The following SLC35D1 variants were observed in gnomAD, a reference collection of about 807,000 sequenced individuals.
SLC35D1 encodes the protein nucleotide sugar transporter SLC35D1.
A neutral mutation model predicts 46.7 loss-of-function variants in SLC35D1; 31 were observed. The ratio of observed to expected loss-of-function variants is 0.66; its 90% CI spans 0.50 to 0.90. The LOEUF (loss-of-function observed/expected upper bound fraction) is 0.90, where lower values mean the gene tolerates loss of function less well. SLC35D1 is among the 40% of genes least tolerant of loss of function. SLC35D1 has a pLI of 0.00. For synonymous variants in SLC35D1, 195 were observed against 164.6 expected (o/e 1.18, Z -1.41); for missense variants, 397 against 426.2 (o/e 0.93, Z 0.60).
At chr1:67,021,675 C>G (rs1459878123) in intron 8 of SLC35D1, 73 bp from the exon 9 acceptor site, 25 of 1,328,244 alleles carry the variant, frequency 1.9e-5, no homozygotes, top group Admixed American at 1.9e-5. Context: ...AATGTAAATC[C>G]TTCTACGAGT....
chr1:67,024,176 C>A (rs545548050), intron 8 of SLC35D1, among the ~76,000 whole-genome samples: 25 of 151,946 alleles, frequency 1.6e-4, no homozygotes, highest in Non-Finnish European at 3.5e-4. Context: ...GAACTCCAGA[C>A]CTCAAGTGAT....
chr1:67,015,670 T>A (rs1667670391), intron 10 of SLC35D1, among the ~76,000 whole-genome samples: 1 of 152,358 alleles, frequency 6.6e-6, no homozygotes, highest in South Asian at 2.1e-4. Flanking sequence ...ATTACAGACG[T>A]GAGCCACCAA....
Position 67,020,415 on chromosome 1 carries a change from G to A in SLC35D1, c.830C>T (p.Thr277Met), listed in dbSNP as rs751569615. Residue 277 changes from threonine to methionine, a missense_variant, in exon 10 of 12, where the codon ACG becomes ATG. Transcript: ENST00000235345. ...AGTTGTAAGAGCAGAATTATACTGCGTGCAGAGTACTGTGGCGTACATTAA... is the reference window on the plus strand; with the variant it reads ...AGTTGTAAGAGCAGAATTATACTGCATGCAGAGTACTGTGGCGTACATTAA... ...FILMYATVLCTQYNSALTTTI... is the reference protein window; with the variant it reads ...FILMYATVLCMQYNSALTTTI... 2.2e-5 allele frequency: 35 copies of A among 1,610,712 alleles called. No individual in the cohort carries two copies. Among genetic ancestry groups the A allele is most frequent in the South Asian group, 1.9e-4 (17 of 91,034 alleles).
At chr1:66,973,217 G>A in the SLC35D1 span, among the ~76,000 whole-genome samples, 32,004 of 151,836 alleles carry the variant, frequency 0.21, 3,786 homozygotes, top group Non-Finnish European at 0.26. Context: ...TTTAAGAATT[G>A]TACTCATTTA....
At chr1:67,044,488 A>G (rs1023677727) in intron 7 of SLC35D1, among the ~76,000 whole-genome samples, 2 of 152,220 alleles carry the variant, frequency 1.3e-5, no homozygotes, top group African/African-American at 4.8e-5. Flanking sequence ...TGAAAAATAC[A>G]AGTTAGAAAC....
At chr1:67,039,033 T>C (rs1668182923) in intron 8 of SLC35D1, among the ~76,000 whole-genome samples, 1 of 152,240 alleles carries the variant, frequency 6.6e-6, no homozygotes, top group Non-Finnish European at 1.5e-5. Context: ...CATCAACTGC[T>C]GTATCCAACT....
At position 67,021,613 on chromosome 1, in the gene SLC35D1, C is replaced by A. The variant is rs1667800386; in HGVS notation, c.730-11G>T. On this transcript the variant is annotated splice_polypyrimidine_tract_variant and intron_variant, in intron 8 of 11. Coordinates refer to ENST00000235345, the MANE Select transcript of SLC35D1 (RefSeq NM_015139.3). ...TTCAAACTCCACAGCCTGCAACACA[C>A]AAGAAAGCATTAAATTTTAGACCAG... The A allele has an allele frequency of 5.6e-6, 9 of 1,613,102 alleles. No individual in the cohort carries two copies. The highest frequency in any genetic ancestry group is 1.6e-4 in the Middle Eastern group (1 of 6,082).
Position 67,006,713 on chromosome 1 carries a change from T to C in SLC35D1, c.960-2265A>G, listed in dbSNP as rs1427404514. Among the ~76,000 whole-genome samples the C allele has an allele frequency of 2.0e-5, 3 of 152,116 alleles. No homozygotes were observed. The East Asian group carries it at 5.8e-4, about 29-fold the overall frequency. ...TTGGAAAAAACACTGACTCTACGGT[T>C]AGGTCTTGGTTCAAATCCTGAATGT... On this transcript the variant is annotated intron_variant, in intron 11 of 11. Transcript: ENST00000235345.
chr1:67,003,860 G>C lies in SLC35D1; in HGVS notation c.*480C>G. On this transcript the variant is annotated 3_prime_UTR_variant, in exon 12 of 12. Transcript: ENST00000235345. ...GCAAATGGAATGATGATATGATGAA[G>C]ACAATGCAATCATAAGAAATAAGAT... 5.0e-6 allele frequency: 1 copy of C among 201,116 alleles called. No individual in the cohort carries two copies. The highest frequency in any genetic ancestry group is 1.2e-4 in the East Asian group (1 of 8,026). The allele number at this position is 201,116 out of a possible 1,614,324, so 12.5% of individuals were successfully genotyped here.
the SLC35D1 span, chr1:66,985,841 T>G: frequency 1.2e-6 from 1 of 808,412 alleles, no homozygotes; most frequent in Non-Finnish European, 1.5e-6. Flanking sequence ...TTTTTTTAAA[T>G]TTCTACTTAA....
At chr1:67,005,409 T>C (rs1164412128) in intron 11 of SLC35D1, among the ~76,000 whole-genome samples, 1 of 152,128 alleles carries the variant, frequency 6.6e-6, no homozygotes, top group Non-Finnish European at 1.5e-5. Context: ...TTGTTCCCAC[T>C]AGGAAGAAAG....
the SLC35D1 span, chr1:66,985,517 C>CAA: frequency 1.0e-6 from 1 of 984,336 alleles, no homozygotes; most frequent in South Asian, 4.7e-5. Context: ...GATGTCTTTC[C>CAA]ATATTCTTAT....
At chr1:67,008,157 T>C (rs1472426958) in intron 11 of SLC35D1, among the ~76,000 whole-genome samples, 1 of 152,202 alleles carries the variant, frequency 6.6e-6, no homozygotes, top group Admixed American at 6.5e-5. Flanking sequence ...TTTATTTTGT[T>C]GGGACGGAGT....
At position 67,053,843 on chromosome 1, in the gene SLC35D1, C is replaced by A. The variant is rs751599807; in HGVS notation, c.171G>T (p.Val57=). ...TGGTGAGCACGCTCTTATTCACCAC[C>A]ACGATCAGGAAGGAGCTCACGCCGT... The part of the protein sequence containing the change: ...GFYGVSSFLI[V]VVNKSVLTNY... Residue 57 remains valine, a synonymous_variant, in exon 1 of 12, where the codon GTG becomes GTT. Transcript: ENST00000235345. 6.2e-7 allele frequency: 1 copy of A among 1,613,218 alleles called. No individual in the cohort carries two copies. Among genetic ancestry groups the A allele is most frequent in the African/African-American group, 1.3e-5 (1 of 74,980 alleles).
In SLC35D1 at chr1:67,003,032, A is replaced by G. The variant is rs1279527212; in HGVS notation, c.*1308T>C. Reference sequence around the variant, plus strand: ...GGTTTTGAGAGAAGTTGGCAAGCTCAGTAGGTGAGCCAAGGGGCACATGAT... The same window carrying G: ...GGTTTTGAGAGAAGTTGGCAAGCTCGGTAGGTGAGCCAAGGGGCACATGAT... On this transcript the variant is annotated 3_prime_UTR_variant, in exon 12 of 12. Transcript: ENST00000235345. 4 of 152,372 alleles carry G rather than the reference A, an allele frequency of 2.6e-5. No homozygotes were observed. Among genetic ancestry groups the G allele is most frequent in the African/African-American group, 9.6e-5 (4 of 41,462 alleles). The allele number at this position is 152,372 out of a possible 1,614,324, so 9.4% of individuals were successfully genotyped here.
At chr1:67,050,791 A>C in intron 4 of SLC35D1, among the ~76,000 whole-genome samples, 1 of 152,142 alleles carries the variant, frequency 6.6e-6, no homozygotes, top group East Asian at 1.9e-4. Flanking sequence ...TTAATAGAAA[A>C]AGGCTTCCTT....
chr1:67,020,254 A>C, intron 10 of SLC35D1, 115 bp downstream of exon 10: 1 of 725,614 alleles, frequency 1.4e-6, no homozygotes, highest in Non-Finnish European at 2.5e-6. Flanking sequence ...TCAAACTAAG[A>C]CAGTATGTGA....
intron 10 of SLC35D1, among the ~76,000 whole-genome samples, chr1:67,009,372 C>T (rs1449604951): frequency 6.6e-6 from 1 of 152,092 alleles, no homozygotes; most frequent in Non-Finnish European, 1.5e-5. Context: ...ATCGATTTCT[C>T]CAGAAGATAA....
the SLC35D1 span, chr1:66,985,914 T>C: frequency 1.0e-6 from 1 of 981,536 alleles, no homozygotes; most frequent in Non-Finnish European, 1.2e-6. Context: ...TGTTTTGCAT[T>C]TGCTATAATT....
Sources: gnomAD v4.1 joint callset for allele counts (sites outside exome capture counted in the v4.1 genomes callset) on GRCh38, gnomAD v4.1.1 for gene constraint, MANE v1.5 for transcripts, NCBI Gene and HGNC (gene_info 2026-07-23, HGNC 2026-07-21) for gene names.